The following DCC variants were observed in gnomAD, a reference collection of about 807,000 sequenced individuals.
DCC encodes the protein netrin receptor DCC.
DCC carries 58 observed loss-of-function variants against 172.5 expected under a neutral mutation model. That is an observed-to-expected ratio of 0.34 (90% CI 0.27 to 0.42). DCC has a LOEUF of 0.42. DCC is among the 10% of genes least tolerant of loss of function. The pLI, the probability that DCC is intolerant of heterozygous loss-of-function variation, is 1.00. For missense variants in DCC, 1,740 were observed against 1,791.0 expected (o/e 0.97, Z 0.51); for synonymous variants, 709 against 644.5 (o/e 1.10, Z -1.52).
At chr18:53,526,804 A>C (rs1200556381) in intron 28 of DCC, 45 bp downstream of exon 28, 2 of 1,609,800 alleles carry the variant, frequency 1.2e-6, no homozygotes, top group South Asian at 2.2e-5. Flanking sequence ...GGACAGATTG[A>C]CTGGCGCTGT....
Position 53,499,325 on chromosome 18 carries a change from A to C in DCC, c.3926A>C (p.Gln1309Pro), listed in dbSNP as rs761271424. ...GTGAGTGAAGGACCAACTACCCAACAACCACCTATGCTGCCCCCATCTCAG... is the reference window on the plus strand; with the variant it reads ...GTGAGTGAAGGACCAACTACCCAACCACCACCTATGCTGCCCCCATCTCAG... Reference protein sequence around the residue: ...QSVSEGPTTQQPPMLPPSQPE... With the variant: ...QSVSEGPTTQPPPMLPPSQPE... The change falls in exon 27 of 29, where the codon CAA becomes CCA. Residue 1309 changes from glutamine to proline, a missense_variant. By Grantham distance (76) the Gln-to-Pro change is moderately conservative (BLOSUM62 -1). Transcript: ENST00000442544. 1.9e-6 allele frequency: 3 copies of C among 1,614,008 alleles called. No homozygotes were observed. Among genetic ancestry groups the C allele is most frequent in the Non-Finnish European group, 2.5e-6 (3 of 1,179,984 alleles).
chr18:52,647,836 A>C (rs1598985437), intron 1 of DCC, among the ~76,000 whole-genome samples: 1 of 152,218 alleles, frequency 6.6e-6, no homozygotes, highest in South Asian at 2.1e-4. Context: ...CTTGCTATGT[A>C]TTAGCAGGGA....
At chr18:53,317,352 C>T (rs1476838045) in intron 13 of DCC, among the ~76,000 whole-genome samples, 1 of 152,168 alleles carries the variant, frequency 6.6e-6, no homozygotes, top group Non-Finnish European at 1.5e-5. Context: ...GGTGAATAAG[C>T]TTTTTGATAT....
intron 1 of DCC, among the ~76,000 whole-genome samples, chr18:52,573,636 C>A (rs971999000): frequency 6.6e-6 from 1 of 152,152 alleles, no homozygotes; most frequent in Middle Eastern, 3.2e-3. Flanking sequence ...CTGGTGAGAT[C>A]ATCTGCTGTC....
At chr18:52,595,886 C>T (rs1376432195) in intron 1 of DCC, among the ~76,000 whole-genome samples, 21 of 152,160 alleles carry the variant, frequency 1.4e-4, no homozygotes, top group Non-Finnish European at 5.9e-5. Context: ...ACCAAAACTT[C>T]TGAGTTACAG....
chr18:52,598,036 G>T, intron 1 of DCC, among the ~76,000 whole-genome samples: 1 of 152,144 alleles, frequency 6.6e-6, no homozygotes, highest in East Asian at 1.9e-4. Context: ...GCAGTATAAC[G>T]TTGGAAAATG....
chr18:52,784,632 C>T (rs74571033), intron 2 of DCC, among the ~76,000 whole-genome samples: 8,070 of 152,050 alleles, frequency 0.053, 311 homozygotes, highest in Non-Finnish European at 0.078. Flanking sequence ...AAGATCTTCT[C>T]ATTGTGGTTC....
At chr18:52,696,120 C>A (rs1295513373) in intron 1 of DCC, among the ~76,000 whole-genome samples, 1 of 152,126 alleles carries the variant, frequency 6.6e-6, no homozygotes, top group African/African-American at 2.4e-5. Flanking sequence ...CATATTGACA[C>A]ATATAACTTA....
chr18:53,526,783 G>A (rs920984213), intron 28 of DCC, 24 bp downstream of exon 28: 10 of 1,612,874 alleles, frequency 6.2e-6, no homozygotes, highest in Non-Finnish European at 8.5e-6. Context: ...TAAAATTCAT[G>A]CTTCATCAAG....
At chr18:52,803,317 C>T (rs1029947319) in intron 2 of DCC, among the ~76,000 whole-genome samples, 1 of 152,112 alleles carries the variant, frequency 6.6e-6, no homozygotes, top group Non-Finnish European at 1.5e-5. Context: ...GAGCATCACA[C>T]GGCATTTTAA....
intron 1 of DCC, among the ~76,000 whole-genome samples, chr18:52,587,211 G>A (rs905629429): frequency 3.9e-5 from 6 of 152,308 alleles, no homozygotes; most frequent in African/African-American, 1.4e-4. Flanking sequence ...CTCTGCTGCT[G>A]GCAAACTGGG....
chr18:52,466,471 T>C (rs572580056), intron 1 of DCC, among the ~76,000 whole-genome samples: 5 of 152,194 alleles, frequency 3.3e-5, no homozygotes, highest in African/African-American at 1.2e-4. Context: ...TGGAGGTGGG[T>C]ACTACTTCAG....
At chr18:53,106,486 A>G (rs941745467) in intron 7 of DCC, among the ~76,000 whole-genome samples, 1 of 151,904 alleles carries the variant, frequency 6.6e-6, no homozygotes, top group Admixed American at 6.6e-5. Flanking sequence ...GCTGACTTGG[A>G]TGTGTGTGTT....
chr18:52,922,439 C>T (rs905545295), intron 3 of DCC, among the ~76,000 whole-genome samples: 1 of 152,124 alleles, frequency 6.6e-6, no homozygotes, highest in African/African-American at 2.4e-5. Context: ...ACCAGCAGCT[C>T]ATGCTATGAC....
intron 1 of DCC, among the ~76,000 whole-genome samples, chr18:52,657,665 G>A (rs1027258837): frequency 1.3e-5 from 2 of 152,126 alleles, no homozygotes; most frequent in Non-Finnish European, 2.9e-5. Flanking sequence ...GAGAAGCCAA[G>A]AGATGCACGT....
intron 24 of DCC, among the ~76,000 whole-genome samples, chr18:53,461,877 A>G (rs1463869210): frequency 1.3e-5 from 2 of 152,202 alleles, no homozygotes; most frequent in Non-Finnish European, 2.9e-5. Context: ...ATTTGGCTCT[A>G]GGGACTGGGG....
intron 7 of DCC, among the ~76,000 whole-genome samples, chr18:53,141,952 T>C (rs922928482): frequency 2.0e-5 from 3 of 152,192 alleles, no homozygotes; most frequent in African/African-American, 7.2e-5. Context: ...AAACAAACCC[T>C]GTCCAACATG....
At chr18:53,380,847 G>A (rs942152591) in intron 15 of DCC, among the ~76,000 whole-genome samples, 1 of 152,080 alleles carries the variant, frequency 6.6e-6, no homozygotes, top group Non-Finnish European at 1.5e-5. Flanking sequence ...TACTTTTTAC[G>A]GGGCTAAGCT....
chr18:53,073,235 A>T (rs1472177531), intron 7 of DCC, among the ~76,000 whole-genome samples: 1 of 152,124 alleles, frequency 6.6e-6, no homozygotes, highest in African/African-American at 2.4e-5. Context: ...ATAAAAAAAA[A>T]TAAAAATAGG....
Sources: gnomAD v4.1 joint callset for allele counts (sites outside exome capture counted in the v4.1 genomes callset) on GRCh38, gnomAD v4.1.1 for gene constraint, MANE v1.5 for transcripts, NCBI Gene and HGNC (gene_info 2026-07-23, HGNC 2026-07-21) for gene names.